Variants in PLEKHG1 observed in about 807,000 individuals in gnomAD.
PLEKHG1 encodes pleckstrin homology and RhoGEF domain containing G1, also known as pleckstrin homology domain-containing family G member 1.
PLEKHG1 carries 44 observed loss-of-function variants against 100.8 expected under a neutral mutation model. The ratio of observed to expected loss-of-function variants is 0.44; its 90% CI spans 0.34 to 0.56. The LOEUF (loss-of-function observed/expected upper bound fraction) is 0.56, where lower values mean the gene tolerates loss of function less well. Ranked by LOEUF, PLEKHG1 falls within the 20% of genes least tolerant of loss-of-function variation. PLEKHG1 has a pLI of 0.01. For synonymous variants in PLEKHG1, 640 were observed against 662.5 expected (o/e 0.97, Z 0.52); for missense variants, 1,545 against 1,720.9 (o/e 0.90, Z 1.81).
intron 10 of PLEKHG1, among the ~76,000 whole-genome samples, chr6:150,810,568 T>C (rs948531351): frequency 7.4e-6 from 1 of 135,926 alleles, no homozygotes; most frequent in Non-Finnish European, 1.6e-5. Flanking sequence ...AGAAAGAAAA[T>C]TGAGAGATAG....
intron 2 of PLEKHG1, 152 bp downstream of exon 3, chr6:150,734,244 C>A (rs569112898): frequency 2.6e-6 from 2 of 762,036 alleles, no homozygotes; most frequent in Non-Finnish European, 4.3e-6. Flanking sequence ...ACCCTAAGGC[C>A]GTAACCCACT....
intron 3 of PLEKHG1, among the ~76,000 whole-genome samples, chr6:150,660,717 T>C (rs1779150632): frequency 6.6e-6 from 1 of 152,226 alleles, no homozygotes; most frequent in Non-Finnish European, 1.5e-5. Context: ...GGCCTCTTCT[T>C]AAACCATAGA....
intron 10 of PLEKHG1, among the ~76,000 whole-genome samples, chr6:150,815,694 C>CG (rs2128674511): frequency 6.6e-6 from 1 of 152,298 alleles, no homozygotes; most frequent in African/African-American, 2.4e-5. Flanking sequence ...AAGCCCCACA[C>CG]TTTTTCACTA....
chr6:150,673,936 A>G (rs1779655820), intron 3 of PLEKHG1, among the ~76,000 whole-genome samples: 1 of 152,158 alleles, frequency 6.6e-6, no homozygotes, highest in Non-Finnish European at 1.5e-5. Flanking sequence ...AAGTGCTGCA[A>G]TTATGGGCGT....
intron 1 of PLEKHG1, among the ~76,000 whole-genome samples, chr6:150,724,532 ATTTC>A (rs1201082642): frequency 1.3e-5 from 2 of 149,614 alleles, no homozygotes; most frequent in African/African-American, 2.5e-5. Flanking sequence ...CCTTTAGAGA[ATTTC>A]TTTCTTTTCT....
chr6:150,693,705 C>T (rs1025816045), intron 3 of PLEKHG1, among the ~76,000 whole-genome samples: 4 of 152,158 alleles, frequency 2.6e-5, no homozygotes, highest in Non-Finnish European at 4.4e-5. Context: ...AGAGCCAGCT[C>T]GATACCCAGC....
intron 3 of PLEKHG1, among the ~76,000 whole-genome samples, chr6:150,693,047 A>T (rs1185465665): frequency 6.6e-6 from 1 of 152,132 alleles, no homozygotes; most frequent in Non-Finnish European, 1.5e-5. Flanking sequence ...GACCTCAGGG[A>T]ACTGTTCCTG....
intron 3 of PLEKHG1, among the ~76,000 whole-genome samples, chr6:150,784,880 A>T (rs1240735164): frequency 6.6e-6 from 1 of 152,216 alleles, no homozygotes; most frequent in Non-Finnish European, 1.5e-5. Flanking sequence ...AGTCTTAAAG[A>T]TGTAAATTCT....
upstream of PLEKHG1, among the ~76,000 whole-genome samples, chr6:150,718,318 G>A (rs1315122494): frequency 6.6e-6 from 1 of 152,102 alleles, no homozygotes; most frequent in African/African-American, 2.4e-5. Context: ...GGAATATGTG[G>A]TGGGGAGCAC....
At chr6:150,832,014 C>A (rs1276756553) in exon 15 of PLEKHG1, 3 of 1,613,914 alleles carry the variant, frequency 1.9e-6, no homozygotes, top group South Asian at 2.2e-5. Flanking sequence ...GGGATGGAGG[C>A]CACAGATAAG....
intron 1 of PLEKHG1, among the ~76,000 whole-genome samples, chr6:150,727,597 G>T (rs574122012): frequency 7.1e-6 from 1 of 140,832 alleles, no homozygotes; most frequent in African/African-American, 2.8e-5. Flanking sequence ...TTTTATTAAG[G>T]ATGGCACAAA....
At chr6:150,604,253 A>G (rs1776492818) in intron 1 of PLEKHG1, among the ~76,000 whole-genome samples, 1 of 152,214 alleles carries the variant, frequency 6.6e-6, no homozygotes, top group South Asian at 2.1e-4. Flanking sequence ...GAAGTGGTGA[A>G]TAGATCTAGT....
chr6:150,625,401 G>A (rs1254184546), intron 1 of PLEKHG1, among the ~76,000 whole-genome samples: 2 of 152,174 alleles, frequency 1.3e-5, no homozygotes, highest in African/African-American at 4.8e-5. Flanking sequence ...GTCCCTCTGT[G>A]TGTGTCTGTG....
chr6:150,775,166 G>A (rs544862962), intron 3 of PLEKHG1, among the ~76,000 whole-genome samples: 1 of 152,252 alleles, frequency 6.6e-6, no homozygotes, highest in African/African-American at 2.4e-5. Flanking sequence ...TTAGTCAAAA[G>A]AAACCACTTT....
intron 1 of PLEKHG1, among the ~76,000 whole-genome samples, chr6:150,604,570 C>T (rs1452029183): frequency 6.6e-6 from 1 of 152,174 alleles, no homozygotes; most frequent in Non-Finnish European, 1.5e-5. Flanking sequence ...TTGTAGTGTC[C>T]TTCCGTATTT....
At chr6:150,632,183 A>C (rs1474086822) in intron 1 of PLEKHG1, among the ~76,000 whole-genome samples, 1 of 152,234 alleles carries the variant, frequency 6.6e-6, no homozygotes, top group Non-Finnish European at 1.5e-5. Context: ...GAAATTGTTT[A>C]ATCTCCATTC....
chr6:150,600,575 G>A lies in PLEKHG1; in HGVS notation c.-204+558G>A, dbSNP rs1396763284. On this transcript the variant is annotated intron_variant, in intron 1 of 3. Transcript: ENST00000367326. This position sits in a 1 kb window ranked among gnomAD's most constrained non-coding sequence, Gnocchi z 6.2. ...CTGCTGCGGCGCTCAGGGCTTGGGG[G>A]CGCCCCCGTTCTGCAGATGCGCTTT... Among the ~76,000 whole-genome samples the A allele has an allele frequency of 6.6e-6, 1 of 152,204 alleles. No individual in the cohort carries two copies. The highest frequency in any genetic ancestry group is 1.9e-4 in the East Asian group (1 of 5,180).
At chr6:150,840,727 C>T in exon 16 of PLEKHG1, 1 of 1,614,100 alleles carries the variant, frequency 6.2e-7, no homozygotes, top group Non-Finnish European at 8.5e-7. Context: ...CCGCGCACTC[C>T]AAAAAAGCCG....
At chr6:150,735,978 A>G (rs1486107427) in intron 2 of PLEKHG1, among the ~76,000 whole-genome samples, 1 of 152,238 alleles carries the variant, frequency 6.6e-6, no homozygotes, top group East Asian at 1.9e-4. Context: ...GAAGCTGTCC[A>G]CGTGTTCTTG....
Sources: allele counts gnomAD v4.1 joint callset (sites outside exome capture counted in the v4.1 genomes callset), GRCh38; gene constraint gnomAD v4.1.1; non-coding constraint Gnocchi (gnomAD v3.1); transcripts MANE v1.5; gene names NCBI Gene and HGNC (gene_info 2026-07-23, HGNC 2026-07-21).